Variants in FAM3C observed in about 807,000 individuals in gnomAD.
FAM3C encodes the protein protein FAM3C.
In FAM3C, 15 loss-of-function variants were observed where a neutral mutation model predicts 32.5. The ratio of observed to expected loss-of-function variants is 0.46; its 90% CI spans 0.31 to 0.71. The LOEUF (loss-of-function observed/expected upper bound fraction) is 0.71. Ranked by LOEUF, FAM3C falls within the 30% of genes least tolerant of loss-of-function variation. FAM3C has a pLI of 0.05. For synonymous variants in FAM3C, 75 were observed against 86.1 expected (o/e 0.87, Z 0.72); for missense variants, 175 against 274.4 (o/e 0.64, Z 2.56).
At chr7:121,389,249 C>T (rs866305778) in intron 1 of FAM3C, among the ~76,000 whole-genome samples, 5 of 152,042 alleles carry the variant, frequency 3.3e-5, no homozygotes, top group Non-Finnish European at 7.4e-5. Flanking sequence ...TAGTACAACC[C>T]CCTTAAATCA....
chr7:121,366,298 C>A (rs1256611844), intron 5 of FAM3C, among the ~76,000 whole-genome samples: 1 of 152,046 alleles, frequency 6.6e-6, no homozygotes, highest in African/African-American at 2.4e-5. Context: ...AAATGTCTAC[C>A]AACTAATGAA....
intron 6 of FAM3C, among the ~76,000 whole-genome samples, chr7:121,363,542 C>A (rs1299365652): frequency 6.6e-6 from 1 of 151,958 alleles, no homozygotes. Context: ...GGTTTCTAAC[C>A]ATCCTATATA....
chr7:121,354,115 G>T (rs3801383), intron 8 of FAM3C, among the ~76,000 whole-genome samples: 44,320 of 151,884 alleles, frequency 0.29, 6,780 homozygotes, highest in African/African-American at 0.38. Flanking sequence ...TATTTCAAAA[G>T]TTTAAAATCA....
At chr7:121,358,775 G>GA (rs924446855) in intron 8 of FAM3C, among the ~76,000 whole-genome samples, 141 of 152,026 alleles carry the variant, frequency 9.3e-4, no homozygotes, top group African/African-American at 3.2e-3. Context: ...GAGAGTGATA[G>GA]AAAAATACAT....
intron 3 of FAM3C, among the ~76,000 whole-genome samples, chr7:121,377,015 A>C (rs1794250347): frequency 6.6e-6 from 1 of 152,154 alleles, no homozygotes; most frequent in South Asian, 2.1e-4. Context: ...TCCCCACCAA[A>C]TCTCATCTTG....
chr7:121,351,417 T>C (rs1793703596), intron 8 of FAM3C, 148 bp from the exon 9 acceptor site: 1 of 631,836 alleles, frequency 1.6e-6, no homozygotes, highest in Non-Finnish European at 2.4e-6. Flanking sequence ...CAGAGTTACA[T>C]TTCTACTGGT....
At chr7:121,376,701 C>T (rs983618543) in intron 3 of FAM3C, among the ~76,000 whole-genome samples, 6 of 152,084 alleles carry the variant, frequency 3.9e-5, no homozygotes, top group African/African-American at 9.7e-5. Context: ...TCAACCTGTA[C>T]AAGAAAGTAC....
At chr7:121,378,853 T>A (rs1794293800) in intron 3 of FAM3C, 57 bp downstream of exon 3, 1 of 883,212 alleles carries the variant, frequency 1.1e-6, no homozygotes, top group Non-Finnish European at 1.8e-6. Flanking sequence ...TGATAACTGA[T>A]AAAACTTTAG....
intron 1 of FAM3C, among the ~76,000 whole-genome samples, chr7:121,384,035 A>C (rs1478090502): frequency 2.0e-5 from 3 of 152,160 alleles, no homozygotes; most frequent in Admixed American, 1.3e-4. Context: ...ACTGAAAAGA[A>C]GTGAGACATG....
At chr7:121,367,162 A>G (rs1317399377) in intron 5 of FAM3C, among the ~76,000 whole-genome samples, 1 of 152,238 alleles carries the variant, frequency 6.6e-6, no homozygotes, top group Non-Finnish European at 1.5e-5. Flanking sequence ...ATTTTCTTTT[A>G]TCCTTCATGA....
chr7:121,372,436 T>C (rs1185064064), intron 3 of FAM3C, among the ~76,000 whole-genome samples: 1 of 152,218 alleles, frequency 6.6e-6, no homozygotes, highest in African/African-American at 2.4e-5. Context: ...GAAGTTACTC[T>C]ACAAACTTAC....
chr7:121,357,220 C>CGA (rs150251427), intron 8 of FAM3C, among the ~76,000 whole-genome samples: 168 of 151,804 alleles, frequency 1.1e-3, no homozygotes, highest in African/African-American at 3.9e-3. Context: ...TCAGAGACGA[C>CGA]GAGAGAGAGA....
chr7:121,381,920 A>G (rs1187915911), intron 2 of FAM3C, among the ~76,000 whole-genome samples: 1 of 152,196 alleles, frequency 6.6e-6, no homozygotes, highest in Non-Finnish European at 1.5e-5. Context: ...ATTCTACACA[A>G]TTATGACCAC....
At chr7:121,355,295 C>G (rs1221200024) in intron 8 of FAM3C, among the ~76,000 whole-genome samples, 1 of 152,132 alleles carries the variant, frequency 6.6e-6, no homozygotes, top group African/African-American at 2.4e-5. Context: ...TGTAAAGGAA[C>G]TTGTTGAAAT....
intron 6 of FAM3C, among the ~76,000 whole-genome samples, chr7:121,363,488 G>C (rs2116895086): frequency 6.6e-6 from 1 of 152,234 alleles, no homozygotes; most frequent in South Asian, 2.1e-4. Context: ...ACCTCTTGCT[G>C]TGAAAGTAGT....
In FAM3C at chr7:121,360,117, T is replaced by C. The variant is rs143978368; in HGVS notation, c.393A>G (p.Pro131=). The change falls in exon 8 of 10, where the codon CCA becomes CCG. Residue 131 remains proline (P), a synonymous_variant. Transcript: ENST00000359943. ...YFDMWGGDVA[P]FIEFLKAIQD... Reference sequence around the variant, plus strand: ...GTATGGCCTTCAGAAACTCAATAAATGGTGCCACATCTGAAGAAAAAGAAA... The same window carrying C: ...GTATGGCCTTCAGAAACTCAATAAACGGTGCCACATCTGAAGAAAAAGAAA... The C allele has an allele frequency of 2.5e-6, 4 of 1,584,976 alleles. No individual in the cohort carries two copies. The highest frequency in any genetic ancestry group is 3.5e-6 in the Non-Finnish European group (4 of 1,153,986).
In FAM3C at chr7:121,350,901, T is replaced by C. The variant is rs138519558; in HGVS notation, c.594+242A>G. Among the ~76,000 whole-genome samples the C allele has an allele frequency of 2.1e-3, 320 of 152,314 alleles. 1 individual carries two copies. The highest frequency in any genetic ancestry group is 6.9e-3 in the African/African-American group (286 of 41,584). On this transcript the variant is annotated intron_variant, in intron 9 of 9. Transcript: ENST00000359943. ...CTAAAGCTTCCGAAAAGGCTTAAGA[T>C]AGGTAATCCTATTCCAATGCATTGT... is the stretch of plus-strand genomic sequence containing the variant.
intron 3 of FAM3C, among the ~76,000 whole-genome samples, chr7:121,372,667 T>G (rs890523882): frequency 1.3e-5 from 2 of 152,164 alleles, no homozygotes; most frequent in East Asian, 3.8e-4. Flanking sequence ...TGAGGTCAAA[T>G]CTTAATTTGA....
At chr7:121,379,621 C>T (rs545084563) in intron 2 of FAM3C, among the ~76,000 whole-genome samples, 3 of 152,104 alleles carry the variant, frequency 2.0e-5, no homozygotes. Context: ...TAATTTGGTA[C>T]CTATCACATA....
Sources: allele counts gnomAD v4.1 joint callset (sites outside exome capture counted in the v4.1 genomes callset), GRCh38; gene constraint gnomAD v4.1.1; transcripts MANE v1.5; gene names NCBI Gene and HGNC (gene_info 2026-07-23, HGNC 2026-07-21).